EVC: variants seen among roughly 807,000 people sequenced by gnomAD.
EVC encodes EvC ciliary complex subunit 1.
Under a neutral mutation model 118.9 loss-of-function variants are expected in EVC, and 116 were observed. The observed-to-expected ratio is 0.98, with a 90% CI of 0.84 to 1.14. The LOEUF (loss-of-function observed/expected upper bound fraction) is 1.14, where lower values mean the gene tolerates loss of function less well. Ranked by LOEUF, EVC falls within the 50% of genes most tolerant of loss-of-function variation. The probability of loss-of-function intolerance (pLI) is 0.00; values close to 1 mark genes in which losing one functional copy is unlikely to be tolerated. For missense variants in EVC, 1,401 were observed against 1,246.4 expected (o/e 1.12, Z -1.87); for synonymous variants, 619 against 534.7 (o/e 1.16, Z -2.18).
At chr4:5,817,790 A>G (rs1265140036), downstream of EVC, among the ~76,000 whole-genome samples, 1 of 152,140 alleles carries the variant, frequency 6.6e-6, no homozygotes, top group Non-Finnish European at 1.5e-5. Flanking sequence ...TAAGGGTAGC[A>G]CCTTCTCTTG....
In EVC at chr4:5,733,462, C is replaced by G. The variant is rs16837599; in HGVS notation, c.702+27C>G. ...TAGGTGGAGATGTTCGCATTCCCTC[C>G]TTTTCATGGGGACAGGAGCTGGGAG... On this transcript the variant is annotated intron_variant, in intron 5 of 20. Coordinates refer to ENST00000264956, the MANE Select transcript of EVC (RefSeq NM_153717.3). 17,005 of 1,584,998 alleles carry G rather than the reference C, an allele frequency of 0.011. 1,573 individuals carry two copies. In the African/African-American group the frequency reaches 0.2, roughly 19 times the overall value.
In EVC at chr4:5,749,928, G is replaced by A. The variant is rs1247386845; in HGVS notation, c.1098+1622G>A. On this transcript the variant is annotated intron_variant, in intron 8 of 20. Coordinates refer to ENST00000264956, the MANE Select transcript of EVC (RefSeq NM_153717.3). This position sits in a 1 kb window ranked among gnomAD's most constrained non-coding sequence, Gnocchi z 4.4. ...CACAGCATCGGCAACACTGGGAGCTGGTTAGAGTGCAGAATCCTGTCCTCC... is the reference window on the plus strand; with the variant it reads ...CACAGCATCGGCAACACTGGGAGCTAGTTAGAGTGCAGAATCCTGTCCTCC... 6.6e-6 allele frequency among the ~76,000 whole-genome samples: 1 copy of A among 152,128 alleles called. No individual in the cohort carries two copies. Among genetic ancestry groups the A allele is most frequent in the Admixed American group, 6.5e-5 (1 of 15,270 alleles).
At chr4:5,745,052 A>T in intron 6 of EVC, 152 bp from the exon 7 acceptor site, 1 of 717,092 alleles carries the variant, frequency 1.4e-6, no homozygotes. Flanking sequence ...AAATGGGTCA[A>T]ACCTCATGTA....
At chr4:5,827,103 C>T in the EVC span, among the ~76,000 whole-genome samples, 1 of 152,206 alleles carries the variant, frequency 6.6e-6, no homozygotes, top group African/African-American at 2.4e-5. Context: ...TGAAGGAATC[C>T]CTGTGCAATG....
intron 1 of EVC, among the ~76,000 whole-genome samples, chr4:5,716,954 T>G (rs57568176): frequency 1.3e-5 from 2 of 152,100 alleles, no homozygotes; most frequent in Non-Finnish European, 2.9e-5. Flanking sequence ...GTAAATGAAA[T>G]TGCACCACGA....
chr4:5,753,049 C>T lies in EVC; in HGVS notation c.1312C>T (p.Arg438Trp), dbSNP rs754239541. ...AFWQEAERFS[R>W]EFVQRGKDLV... Reference sequence around the variant, plus strand: ...CTGGCAGGAGGCAGAGCGCTTCAGCCGGGGTGAGCCGTGGGCATGGGTGCC... The same window carrying T: ...CTGGCAGGAGGCAGAGCGCTTCAGCTGGGGTGAGCCGTGGGCATGGGTGCC... The change falls in exon 9 of 21, where the codon CGG (arginine) becomes TGG (tryptophan). Residue 438 changes from arginine (R) to tryptophan (W), a missense_variant. Physicochemically the swap from Arg to Trp is moderately radical, Grantham distance 101. Transcript: ENST00000264956. 33 of 1,588,000 alleles carry T rather than the reference C, an allele frequency of 2.1e-5. No individual in the cohort carries two copies. Among genetic ancestry groups the T allele is most frequent in the Admixed American group, 1.1e-4 (6 of 54,876 alleles).
At chr4:5,807,738 C>A (rs776969491) in intron 17 of EVC, among the ~76,000 whole-genome samples, 2 of 152,184 alleles carry the variant, frequency 1.3e-5, no homozygotes, top group African/African-American at 2.4e-5. Context: ...CGGGGCAGTT[C>A]TGAGATTTAA....
downstream of EVC, among the ~76,000 whole-genome samples, chr4:5,816,693 T>TC (rs1186737450): frequency 3.4e-5 from 4 of 115,958 alleles, no homozygotes; most frequent in Admixed American, 2.9e-4. Flanking sequence ...CTCCCTTCCC[T>TC]TCTCCCCTCT....
intron 19 of EVC, 145 bp downstream of exon 19, chr4:5,809,756 G>A (rs28722043): frequency 3.8e-6 from 3 of 779,852 alleles, no homozygotes; most frequent in Non-Finnish European, 4.4e-6. Context: ...GTCTGTAAAT[G>A]AGCAGGCTTG....
chr4:5,737,449 GA>G lies in EVC; in HGVS notation c.702+4016del, dbSNP rs1243379877. On this transcript the variant is annotated intron_variant, in intron 5 of 20. Transcript: ENST00000264956. The surrounding 1 kb of genome is among the most constrained non-coding windows in gnomAD (Gnocchi z 5.0). ...GATGAAATAGCACAATATGGTCATG[GA>G]AGAAGATGCCATCTAAGACTTCATA... Among the ~76,000 whole-genome samples, 4 of 152,208 alleles carry G rather than the reference GA, an allele frequency of 2.6e-5. No homozygotes were observed. Among genetic ancestry groups the G allele is most frequent in the Non-Finnish European group, 5.9e-5 (4 of 68,040 alleles).
rs1400216662 is a variant in EVC at position 5,716,425 on chromosome 4, C to T, written c.175-2823C>T. On this transcript the variant is annotated intron_variant, in intron 1 of 20. Coordinates refer to ENST00000264956, the MANE Select transcript of EVC (RefSeq NM_153717.3). ...GAAGCTTTGTTTTAAAATGTAGGTTCGGCAGAAAAGAACCTTAGCTCAGGC... is the reference window on the plus strand; with the variant it reads ...GAAGCTTTGTTTTAAAATGTAGGTTTGGCAGAAAAGAACCTTAGCTCAGGC... 4.6e-5 allele frequency among the ~76,000 whole-genome samples: 7 copies of T among 152,258 alleles called. No homozygotes were observed. In the East Asian group the frequency reaches 1.2e-3, roughly 25 times the overall value.
chr4:5,723,944 G>C (rs1393374221), intron 2 of EVC, among the ~76,000 whole-genome samples: 1 of 152,182 alleles, frequency 6.6e-6, no homozygotes, highest in Non-Finnish European at 1.5e-5. Context: ...GGGATTGAGA[G>C]CAGGCCAGGC....
chr4:5,729,198 C>G, intron 2 of EVC, 109 bp from the exon 3 acceptor site: 1 of 985,942 alleles, frequency 1.0e-6, no homozygotes, highest in Admixed American at 1.7e-5. Flanking sequence ...ATCATGGTCC[C>G]TTTCTGAGGC....
chr4:5,823,153 C>A, the EVC span, among the ~76,000 whole-genome samples: 1 of 152,168 alleles, frequency 6.6e-6, no homozygotes, highest in African/African-American at 2.4e-5. Flanking sequence ...TGGAGTAAGA[C>A]ACCACCCCAC....
intron 20 of EVC, 43 bp from the exon 21 acceptor site, chr4:5,810,910 G>A: frequency 3.3e-6 from 5 of 1,536,582 alleles, no homozygotes; most frequent in Non-Finnish European, 4.5e-6. Flanking sequence ...TGATGGGCAT[G>A]GAGTCAGCGT....
At chr4:5,825,303 C>G in the EVC span, 2 of 985,158 alleles carry the variant, frequency 2.0e-6, no homozygotes, top group Non-Finnish European at 2.4e-6. The surrounding 1 kb of genome is among the most constrained non-coding windows in gnomAD (Gnocchi z 4.4). Context: ...TAACATGGAC[C>G]CCCCTCTGCT....
rs753152908 is a variant in EVC, at chr4:5,753,793, C to T, written c.1324C>T (p.Gln442Ter). 1.9e-6 allele frequency: 3 copies of T among 1,614,036 alleles called. No homozygotes were observed. In the South Asian group the frequency reaches 3.3e-5, roughly 18 times the overall value. The change falls in exon 10 of 21, where the codon CAG becomes TAG. Residue 442 changes from glutamine to a stop codon, truncating the protein, a stop_gained. Coordinates refer to ENST00000264956, the MANE Select transcript of EVC (RefSeq NM_153717.3). LOFTEE classifies it high-confidence loss of function. Reference protein sequence around the residue: ...EAERFSREFVQRGKDLVTASL... With the variant: ...EAERFSREFV Reference sequence around the variant, plus strand: ...GCTTTTTTCAATCCCAGAGTTTGTCCAGCGAGGCAAAGACCTGGTCACGGC... The same window carrying T: ...GCTTTTTTCAATCCCAGAGTTTGTCTAGCGAGGCAAAGACCTGGTCACGGC...
At position 5,801,956 on chromosome 4, in the gene EVC, C is replaced by T. The variant is rs763546632; in HGVS notation, c.2311C>T (p.Leu771=). 1 of 1,613,454 alleles carries T rather than the reference C, an allele frequency of 6.2e-7. No individual in the cohort carries two copies. The highest frequency in any genetic ancestry group is 8.5e-7 in the Non-Finnish European group (1 of 1,179,962). Residue 771 remains leucine, a synonymous_variant, in exon 16 of 21, where the codon CTG becomes TTG. Transcript: ENST00000264956. ...CCTTCCTTTCTTCCCTCAGAGGACA[C>T]TGATGGAGGCGGCAGTGGAGAGCGT... is the stretch of plus-strand genomic sequence containing the variant. ...AKDRDDFKRT[L]MEAAVESVYV...
intron 20 of EVC, 29 bp downstream of exon 20, chr4:5,810,479 G>A (rs780310355): frequency 3.2e-6 from 5 of 1,567,454 alleles, no homozygotes; most frequent in Non-Finnish European, 4.4e-6. Flanking sequence ...CCTGTTGCCT[G>A]TGGCTGGGTT....
Sources: allele counts gnomAD v4.1 joint callset (sites outside exome capture counted in the v4.1 genomes callset), GRCh38; gene constraint gnomAD v4.1.1; non-coding constraint Gnocchi (gnomAD v3.1); transcripts MANE v1.5; gene names NCBI Gene and HGNC (gene_info 2026-07-23, HGNC 2026-07-21).